RERE: variants seen among roughly 807,000 people sequenced by gnomAD.
RERE encodes arginine-glutamic acid dipeptide repeats protein.
A neutral mutation model predicts 146.1 loss-of-function variants in RERE; 40 were observed. That is an observed-to-expected ratio of 0.27 (90% CI 0.21 to 0.36). RERE has a LOEUF of 0.36. RERE is among the 10% of genes least tolerant of loss of function. The pLI is 1.00. For synonymous variants in RERE, 1,003 were observed against 866.0 expected (o/e 1.16, Z -2.78); for missense variants, 1,933 against 2,138.7 (o/e 0.90, Z 1.90).
chr1:8,592,441 T>C (rs1646506793), intron 4 of RERE, among the ~76,000 whole-genome samples: 1 of 152,088 alleles, frequency 6.6e-6, no homozygotes, highest in South Asian at 2.1e-4. Flanking sequence ...CGGCTAATTT[T>C]TGTACTTTTT....
rs1641549155 is a variant in RERE, at chr1:8,360,990, G to C, written c.2517C>G (p.Pro839=). 1 of 1,438,700 alleles carries C rather than the reference G, an allele frequency of 7.0e-7. No homozygotes were observed. Among genetic ancestry groups the C allele is most frequent in the Non-Finnish European group, 9.1e-7 (1 of 1,102,234 alleles). The allele number at this position is 1,438,700 out of a possible 1,614,324, so 89.1% of individuals were successfully genotyped here. The change falls in exon 18 of 23, where the codon CCC becomes CCG. Residue 839 remains proline (P), a synonymous_variant. Transcript: ENST00000400908. ...CGTGCAGTGGGGGCTGGGCATGAGA[G>C]GGTGCAGAAGGCTGGCCCGCCGACC... ...LTGSAGQPSA[P]SHAQPPLHGQ... is the part of the protein sequence containing the mutation.
At chr1:8,692,444 T>C (rs1258564411) in intron 1 of RERE, among the ~76,000 whole-genome samples, 1 of 152,028 alleles carries the variant, frequency 6.6e-6, no homozygotes, top group Non-Finnish European at 1.5e-5. Flanking sequence ...GCCTCCCATT[T>C]CAAGCGATTC....
chr1:8,715,916 G>A lies in RERE; in HGVS notation c.-144-59475C>T, dbSNP rs80066787. On this transcript the variant is annotated intron_variant, in intron 1 of 22. Transcript: ENST00000400908. Reference sequence around the variant, plus strand: ...AGACCCTGTCTGGGGCGGGACGGGCGGGGAAGAGATTTAAATGGCTAAATT... The same window carrying A: ...AGACCCTGTCTGGGGCGGGACGGGCAGGGAAGAGATTTAAATGGCTAAATT... 2.6e-3 allele frequency among the ~76,000 whole-genome samples: 399 copies of A among 152,004 alleles called. 3 individuals carry two copies. Among genetic ancestry groups the A allele is most frequent in the African/African-American group, 9.3e-3 (385 of 41,456 alleles).
intron 5 of RERE, 91 bp from the exon 6 acceptor site, chr1:8,556,662 C>A: frequency 1.3e-6 from 1 of 773,886 alleles, no homozygotes. Context: ...CGTTTACCAC[C>A]CACTAAATAA....
chr1:8,455,410 C>T (rs77496406), intron 11 of RERE, among the ~76,000 whole-genome samples: 81 of 152,196 alleles, frequency 5.3e-4, no homozygotes, highest in African/African-American at 1.9e-3. Flanking sequence ...GAGCTCTTTC[C>T]TTCTCCATCA....
intron 4 of RERE, among the ~76,000 whole-genome samples, chr1:8,558,228 T>G (rs1646029941): frequency 6.6e-6 from 1 of 152,220 alleles, no homozygotes; most frequent in Non-Finnish European, 1.5e-5. Flanking sequence ...TGTAAATGTT[T>G]GTAGGACACT....
intron 12 of RERE, among the ~76,000 whole-genome samples, chr1:8,418,345 G>A (rs1357184169): frequency 6.6e-6 from 1 of 152,150 alleles, no homozygotes; most frequent in East Asian, 1.9e-4. Context: ...AGAAAGAGAC[G>A]AGAAAGACAG....
chr1:8,578,868 GAAAAAT>G (rs1646328676), intron 4 of RERE, among the ~76,000 whole-genome samples: 1 of 152,128 alleles, frequency 6.6e-6, no homozygotes. Flanking sequence ...TCCTTTATAT[GAAAAAT>G]AAATACATGT....
intron 10 of RERE, among the ~76,000 whole-genome samples, chr1:8,472,912 G>A (rs536405172): frequency 1.3e-4 from 19 of 148,820 alleles, no homozygotes; most frequent in African/African-American, 2.0e-4. Context: ...AAATCTTTCC[G>A]CCTCTTTTCC....
chr1:8,773,297 T>C (rs184316166), intron 1 of RERE, among the ~76,000 whole-genome samples: 1 of 152,230 alleles, frequency 6.6e-6, no homozygotes, highest in East Asian at 1.9e-4. Flanking sequence ...TCAAGAAATA[T>C]TTCATGCTTT....
chr1:8,786,019 C>T (rs1428955530), intron 1 of RERE, among the ~76,000 whole-genome samples: 1 of 152,132 alleles, frequency 6.6e-6, no homozygotes, highest in Non-Finnish European at 1.5e-5. Context: ...ATCACCTCCA[C>T]GACTACCACA....
intron 1 of RERE, among the ~76,000 whole-genome samples, chr1:8,808,617 A>G (rs1491001438): frequency 6.6e-6 from 1 of 152,220 alleles, no homozygotes; most frequent in Non-Finnish European, 1.5e-5. Context: ...AACCTGCCCG[A>G]AGTCACAGAG....
intron 1 of RERE, among the ~76,000 whole-genome samples, chr1:8,760,491 G>A (rs1427520265): frequency 6.6e-6 from 1 of 152,202 alleles, no homozygotes; most frequent in Non-Finnish European, 1.5e-5. Flanking sequence ...CAGGGACCTG[G>A]TAGAGGTGTG....
chr1:8,557,352 T>A (rs1393408097), intron 5 of RERE, 66 bp downstream of exon 5: 8 of 1,052,964 alleles, frequency 7.6e-6, no homozygotes, highest in Non-Finnish European at 1.0e-5. Flanking sequence ...TTTAATGAAA[T>A]GTCTTTAGAA....
intron 10 of RERE, among the ~76,000 whole-genome samples, chr1:8,466,410 T>C (rs994277623): frequency 2.0e-5 from 3 of 152,104 alleles, no homozygotes; most frequent in African/African-American, 7.2e-5. Flanking sequence ...TTAGGAGCTA[T>C]CATCGCCCTA....
At chr1:8,633,581 G>A (rs1647061394) in intron 2 of RERE, among the ~76,000 whole-genome samples, 1 of 152,032 alleles carries the variant, frequency 6.6e-6, no homozygotes, top group Non-Finnish European at 1.5e-5. Context: ...CATCCACACA[G>A]CTGTGTAAGA....
intron 12 of RERE, among the ~76,000 whole-genome samples, chr1:8,400,904 A>C (rs1643228606): frequency 6.9e-6 from 1 of 145,920 alleles, no homozygotes; most frequent in African/African-American, 2.5e-5. Flanking sequence ...TGTAGTCCCA[A>C]CTACTCAGAA....
intron 1 of RERE, among the ~76,000 whole-genome samples, chr1:8,740,370 G>A (rs964681059): frequency 6.6e-6 from 1 of 152,222 alleles, no homozygotes; most frequent in Admixed American, 6.5e-5. Flanking sequence ...CTCTGGGTGA[G>A]TCAGTGAGTC....
At chr1:8,478,604 G>T (rs1475735551) in intron 10 of RERE, among the ~76,000 whole-genome samples, 1 of 152,168 alleles carries the variant, frequency 6.6e-6, no homozygotes, top group Non-Finnish European at 1.5e-5. Flanking sequence ...TGGAGGACAG[G>T]GCTGGCCAGG....
Sources: gnomAD v4.1 joint callset for allele counts (sites outside exome capture counted in the v4.1 genomes callset) on GRCh38, gnomAD v4.1.1 for gene constraint, MANE v1.5 for transcripts, NCBI Gene and HGNC (gene_info 2026-07-23, HGNC 2026-07-21) for gene names.